The following ELOVL6 variants were observed in gnomAD, a reference collection of about 807,000 sequenced individuals.
ELOVL6 encodes the protein very long chain fatty acid elongase 6.
ELOVL6 carries 8 observed loss-of-function variants against 31.7 expected under a neutral mutation model. That is an observed-to-expected ratio of 0.25 (90% confidence interval 0.15 to 0.45). The LOEUF (loss-of-function observed/expected upper bound fraction) is 0.45. Ranked by LOEUF, ELOVL6 falls within the 20% of genes least tolerant of loss-of-function variation. The pLI, the probability that ELOVL6 is intolerant of heterozygous loss-of-function variation, is 1.00. For synonymous variants in ELOVL6, 101 were observed against 117.7 expected (o/e 0.86, Z 0.92); for missense variants, 126 against 326.4 (o/e 0.39, Z 4.73).
chr4:110,098,763 C>A lies in ELOVL6; in HGVS notation c.221+6734G>T, dbSNP rs537507993. 6.6e-5 allele frequency among the ~76,000 whole-genome samples: 10 copies of A among 152,166 alleles called. 1 individual carries two copies. Among genetic ancestry groups the A allele is most frequent in the South Asian group, 6.2e-4 (3 of 4,818 alleles). ...TTATGCTTTCCAATTTTGCTTGTTA[C>A]TTCTGCCCTTTTGGTGTTACATTTA... On this transcript the variant is annotated intron_variant, in intron 2 of 3. Transcript: ENST00000302274.
intron 2 of ELOVL6, among the ~76,000 whole-genome samples, chr4:110,102,660 C>CA (rs965870775): frequency 1.1e-3 from 144 of 130,104 alleles, no homozygotes; most frequent in Middle Eastern, 7.4e-3. Context: ...ATCTTGTCTC[C>CA]AAAAAAAAAA....
chr4:110,188,607 G>A (rs1160555933), intron 1 of ELOVL6, among the ~76,000 whole-genome samples: 1 of 152,106 alleles, frequency 6.6e-6, no homozygotes, highest in Non-Finnish European at 1.5e-5. Context: ...TAAAACATTG[G>A]CCAGGCGCGG....
At chr4:110,169,154 G>T (rs1758865149) in intron 1 of ELOVL6, among the ~76,000 whole-genome samples, 1 of 151,454 alleles carries the variant, frequency 6.6e-6, no homozygotes, top group Non-Finnish European at 1.5e-5. Flanking sequence ...TAGAGACAGG[G>T]TCCACCCACC....
At chr4:110,158,512 A>C (rs1053440665) in intron 1 of ELOVL6, among the ~76,000 whole-genome samples, 1 of 139,566 alleles carries the variant, frequency 7.2e-6, no homozygotes, top group Admixed American at 7.1e-5. Context: ...AACCAGGACA[A>C]AATTTAATAA....
At chr4:110,147,780 G>GACACACACACACACAC (rs58644594) in intron 1 of ELOVL6, among the ~76,000 whole-genome samples, 1 of 142,650 alleles carries the variant, frequency 7.0e-6, no homozygotes. Flanking sequence ...GACAGAGCAG[G>GACACACACACACACAC]ACACACACAC....
At chr4:110,101,070 T>G (rs1756726984) in intron 2 of ELOVL6, among the ~76,000 whole-genome samples, 1 of 152,196 alleles carries the variant, frequency 6.6e-6, no homozygotes, top group Non-Finnish European at 1.5e-5. Flanking sequence ...GAGACAGTCT[T>G]GCTCTGTAGT....
At chr4:110,075,586 T>A (rs922620112) in intron 2 of ELOVL6, among the ~76,000 whole-genome samples, 8 of 152,192 alleles carry the variant, frequency 5.3e-5, no homozygotes, top group African/African-American at 1.9e-4. Context: ...GAAACTAGAA[T>A]GGTGGTTGTT....
At chr4:110,124,256 C>T (rs925805868) in intron 1 of ELOVL6, among the ~76,000 whole-genome samples, 1 of 152,168 alleles carries the variant, frequency 6.6e-6, no homozygotes, top group Non-Finnish European at 1.5e-5. Flanking sequence ...TTATTGCATA[C>T]GTATGTTTAC....
rs557458123 is a variant in ELOVL6 at position 110,081,936 on chromosome 4, T to C, written c.222-22182A>G. ...GCCCCATCAAAAAGTGGGTGAAGGA[T>C]ATGAACAGACACTTCTGAAAAGAAG... On this transcript the variant is annotated intron_variant, in intron 2 of 3. Coordinates refer to ENST00000302274, the MANE Select transcript of ELOVL6 (RefSeq NM_024090.3). Among the ~76,000 whole-genome samples the C allele has an allele frequency of 3.3e-3, 499 of 151,192 alleles. 1 individual carries two copies. Among genetic ancestry groups the C allele is most frequent in the African/African-American group, 0.012 (488 of 41,346 alleles).
chr4:110,197,694 GCAGA>G (rs1276562539), intron 1 of ELOVL6, among the ~76,000 whole-genome samples: 1 of 152,086 alleles, frequency 6.6e-6, no homozygotes, highest in Non-Finnish European at 1.5e-5. Context: ...CTGAGGAGCG[GCAGA>G]CAGAGGAGGA....
At chr4:110,197,060 A>G (rs979863139) in intron 1 of ELOVL6, among the ~76,000 whole-genome samples, 1 of 152,162 alleles carries the variant, frequency 6.6e-6, no homozygotes, top group African/African-American at 2.4e-5. Context: ...CCAGTTGAAG[A>G]GGGCAGGCGG....
At chr4:110,186,818 A>ATATATATAT (rs1281972762) in intron 1 of ELOVL6, among the ~76,000 whole-genome samples, 1 of 101,168 alleles carries the variant, frequency 9.9e-6, no homozygotes, top group African/African-American at 3.6e-5. Context: ...AAAAAAAAAA[A>ATATATATAT]AAAAATATAT....
chr4:110,187,547 T>C (rs1282063133), intron 1 of ELOVL6, among the ~76,000 whole-genome samples: 1 of 151,466 alleles, frequency 6.6e-6, no homozygotes, highest in Non-Finnish European at 1.5e-5. Flanking sequence ...ATACAAAAAA[T>C]TAGCCTGGCA....
At chr4:110,116,352 G>A (rs1757169305) in intron 1 of ELOVL6, among the ~76,000 whole-genome samples, 1 of 152,098 alleles carries the variant, frequency 6.6e-6, no homozygotes, top group African/African-American at 2.4e-5. Context: ...TCTATTCCTG[G>A]TTTGCCATCC....
chr4:110,144,517 T>C lies in ELOVL6; in HGVS notation c.90-38889A>G, dbSNP rs559577031. 7.2e-5 allele frequency among the ~76,000 whole-genome samples: 11 copies of C among 152,350 alleles called. No homozygotes were observed. In the South Asian group the frequency reaches 2.1e-3, roughly 29 times the overall value. ...TAATTTTTCCCTAACAGAATGTGAA[T>C]AGTCATTAGTAAGCTGATGAGCCCA... On this transcript the variant is annotated intron_variant, in intron 1 of 3. Transcript: ENST00000302274.
chr4:110,102,087 A>G (rs1756758567), intron 2 of ELOVL6, among the ~76,000 whole-genome samples: 1 of 152,186 alleles, frequency 6.6e-6, no homozygotes, highest in Admixed American at 6.5e-5. Context: ...GAGAAATCTC[A>G]ATATGTTCTT....
At chr4:110,127,349 G>A (rs1448876099) in intron 1 of ELOVL6, among the ~76,000 whole-genome samples, 2 of 145,628 alleles carry the variant, frequency 1.4e-5, no homozygotes, top group African/African-American at 5.1e-5. Flanking sequence ...AGAGGTTGCA[G>A]TGAGCCGAGA....
intron 2 of ELOVL6, among the ~76,000 whole-genome samples, chr4:110,066,637 C>CAA (rs1209180349): frequency 0.016 from 878 of 56,564 alleles, 70 homozygotes; most frequent in Non-Finnish European, 0.026. Context: ...TCTGTCTCAA[C>CAA]AAAAAAAAAA....
intron 2 of ELOVL6, among the ~76,000 whole-genome samples, chr4:110,084,588 A>ATATTTTT (rs1553956261): frequency 3.4e-5 from 1 of 29,658 alleles, no homozygotes; most frequent in Non-Finnish European, 5.3e-5. Context: ...ATATATATAT[A>ATATTTTT]TTTTTTTTTT....
Sources: allele counts gnomAD v4.1 joint callset (sites outside exome capture counted in the v4.1 genomes callset), GRCh38; gene constraint gnomAD v4.1.1; transcripts MANE v1.5; gene names NCBI Gene and HGNC (gene_info 2026-07-23, HGNC 2026-07-21).